The following AGMO variants were observed in gnomAD, a reference collection of about 807,000 sequenced individuals.
AGMO encodes alkylglycerol monooxygenase, also known as glyceryl-ether monooxygenase.
In AGMO, 75 loss-of-function variants were observed where a neutral mutation model predicts 60.2. That is an observed-to-expected ratio of 1.25 (90% CI 1.03 to 1.51). The LOEUF (loss-of-function observed/expected upper bound fraction) is 1.51. Among genes scored for constraint, AGMO ranks in the 40% most tolerant of loss-of-function variants. AGMO has a pLI of 0.00. For missense variants in AGMO, 763 were observed against 525.5 expected, an observed-to-expected ratio of 1.45 and a Z score of -4.42; for synonymous variants, 261 against 177.1, an observed-to-expected ratio of 1.47 and a Z score of -3.76.
At chr7:15,547,661 T>C (rs935601336) in intron 2 of AGMO, among the ~76,000 whole-genome samples, 2 of 149,008 alleles carry the variant, frequency 1.3e-5, no homozygotes, top group East Asian at 3.9e-4. Flanking sequence ...GCTCGGAGGG[T>C]CCTACGCCCA....
At chr7:15,169,351 C>T in the AGMO span, among the ~76,000 whole-genome samples, 2 of 152,158 alleles carry the variant, frequency 1.3e-5, no homozygotes, top group Non-Finnish European at 2.9e-5. Context: ...GCTGATTACA[C>T]CATTAGTTCA....
At chr7:15,443,927 T>C (rs1044354466) in intron 3 of AGMO, among the ~76,000 whole-genome samples, 4 of 152,196 alleles carry the variant, frequency 2.6e-5, no homozygotes, top group African/African-American at 9.7e-5. Flanking sequence ...TCAAGAACTA[T>C]TGCATATGTC....
chr7:15,162,928 T>C, the AGMO span, among the ~76,000 whole-genome samples: 4 of 152,138 alleles, frequency 2.6e-5, no homozygotes, highest in South Asian at 4.1e-4. Flanking sequence ...ATTTTAACTA[T>C]GTTGACTCTT....
chr7:15,531,486 A>T (rs28870200), intron 3 of AGMO, among the ~76,000 whole-genome samples: 1 of 12,424 alleles, frequency 8.0e-5, no homozygotes, highest in Non-Finnish European at 1.4e-4. Flanking sequence ...CTCTATATAT[A>T]TTCTATATAT....
intron 4 of AGMO, among the ~76,000 whole-genome samples, chr7:15,422,776 C>T (rs536459870): frequency 6.6e-6 from 1 of 152,166 alleles, no homozygotes; most frequent in East Asian, 1.9e-4. Context: ...CAACCTGGTA[C>T]AAGAGGAAGC....
At chr7:15,463,051 A>G (rs1043197827) in intron 3 of AGMO, among the ~76,000 whole-genome samples, 3 of 152,188 alleles carry the variant, frequency 2.0e-5, no homozygotes, top group African/African-American at 7.2e-5. Context: ...TCGAGAGTGG[A>G]TAACTGGAAT....
At chr7:15,466,184 G>A (rs1303606035) in intron 3 of AGMO, among the ~76,000 whole-genome samples, 2 of 152,014 alleles carry the variant, frequency 1.3e-5, no homozygotes, top group African/African-American at 2.4e-5. Context: ...ATATTTACTG[G>A]GTGCATATCC....
intron 12 of AGMO, among the ~76,000 whole-genome samples, chr7:15,341,591 T>C (rs1189557353): frequency 6.6e-6 from 1 of 152,204 alleles, no homozygotes; most frequent in African/African-American, 2.4e-5. Context: ...CTTTGCCTGT[T>C]ACACAGTTCC....
At chr7:15,507,174 G>A (rs188089901) in intron 3 of AGMO, among the ~76,000 whole-genome samples, 1 of 152,084 alleles carries the variant, frequency 6.6e-6, no homozygotes, top group African/African-American at 2.4e-5. Flanking sequence ...CAAGGACAAA[G>A]TGCTATCAGC....
the AGMO span, among the ~76,000 whole-genome samples, chr7:15,163,865 T>C: frequency 2.6e-5 from 4 of 152,132 alleles, no homozygotes; most frequent in African/African-American, 9.7e-5. Flanking sequence ...AAATCCCTCC[T>C]CTTTGATTTT....
intron 3 of AGMO, among the ~76,000 whole-genome samples, chr7:15,487,337 A>G (rs1339649357): frequency 2.6e-5 from 4 of 152,172 alleles, no homozygotes; most frequent in Non-Finnish European, 4.4e-5. Context: ...AAAGCAACAT[A>G]TGGTTATATA....
intron 5 of AGMO, among the ~76,000 whole-genome samples, chr7:15,395,703 A>C (rs1275133682): frequency 6.6e-6 from 1 of 152,228 alleles, no homozygotes; most frequent in African/African-American, 2.4e-5. Context: ...AATTTTATGA[A>C]TGTTTGAAAA....
At chr7:15,328,241 G>A (rs1781404849) in intron 12 of AGMO, among the ~76,000 whole-genome samples, 1 of 152,044 alleles carries the variant, frequency 6.6e-6, no homozygotes, top group Non-Finnish European at 1.5e-5. Flanking sequence ...GGGATTGCAG[G>A]TGTGTGCCAC....
intron 10 of AGMO, among the ~76,000 whole-genome samples, chr7:15,375,386 A>ATTTTTT (rs71004377): frequency 1.8e-5 from 2 of 109,486 alleles, no homozygotes; most frequent in Admixed American, 9.8e-5. Context: ...TTCTAAAAGG[A>ATTTTTT]TTTTTTTTTT....
intron 12 of AGMO, among the ~76,000 whole-genome samples, chr7:15,354,927 A>G (rs1036629675): frequency 6.6e-5 from 10 of 152,056 alleles, no homozygotes; most frequent in African/African-American, 2.4e-4. Flanking sequence ...TATAGCATAT[A>G]AAAGGGATAC....
intron 4 of AGMO, among the ~76,000 whole-genome samples, chr7:15,424,812 T>C (rs767019593): frequency 3.3e-5 from 5 of 152,222 alleles, no homozygotes; most frequent in Non-Finnish European, 5.9e-5. Flanking sequence ...ATGCTTTCCT[T>C]TTGTGACAAA....
At chr7:15,487,932 AAC>A (rs1343275492) in intron 3 of AGMO, among the ~76,000 whole-genome samples, 4 of 152,170 alleles carry the variant, frequency 2.6e-5, no homozygotes, top group African/African-American at 9.7e-5. Context: ...AAAATAATCT[AAC>A]ACAGTCAAAA....
At chr7:15,469,484 T>A (rs1039480263) in intron 3 of AGMO, among the ~76,000 whole-genome samples, 3 of 152,152 alleles carry the variant, frequency 2.0e-5, no homozygotes, top group African/African-American at 7.2e-5. Context: ...GAGACACACA[T>A]GGGCTCAGCC....
intron 12 of AGMO, among the ~76,000 whole-genome samples, chr7:15,234,044 G>A (rs566492574): frequency 2.6e-5 from 4 of 152,090 alleles, no homozygotes; most frequent in South Asian, 2.1e-4. Context: ...GCAAGACTTC[G>A]TCTCAACACA....
Sources: gnomAD v4.1 joint callset for allele counts (sites outside exome capture counted in the v4.1 genomes callset) on GRCh38, gnomAD v4.1.1 for gene constraint, MANE v1.5 for transcripts, NCBI Gene and HGNC (gene_info 2026-07-23, HGNC 2026-07-21) for gene names.